IMPG1: variants seen among roughly 807,000 people sequenced by gnomAD.
The protein encoded by IMPG1 is interphotoreceptor matrix proteoglycan of 150 kDa.
A neutral mutation model predicts 92.0 loss-of-function variants in IMPG1; 85 were observed. The observed-to-expected ratio is 0.92, with a 90% CI of 0.78 to 1.11. IMPG1 has a LOEUF of 1.11. Among genes scored for constraint, IMPG1 ranks in the 50% least tolerant of loss-of-function variants. The pLI is 0.00. For synonymous variants in IMPG1, 367 were observed against 334.1 expected, an observed-to-expected ratio of 1.10 and a Z score of -1.08; for missense variants, 1,022 against 956.0, an observed-to-expected ratio of 1.07 and a Z score of -0.91.
rs759529291 is a variant in IMPG1, at chr6:75,922,131, T to G, written c.2352A>C (p.Val784=). Residue 784 remains valine (V), a synonymous_variant, in exon 17 of 17, where the codon GTA becomes GTC. Coordinates refer to ENST00000369950, the MANE Select transcript of IMPG1 (RefSeq NM_001563.4). ...ISKRNSELLT[V]EYEEFNHQDW... ...CTTGATGGTTAAATTCTTCATATTCTACGGTCAGTAATTCAGAATTTCTTT... is the reference window on the plus strand; with the variant it reads ...CTTGATGGTTAAATTCTTCATATTCGACGGTCAGTAATTCAGAATTTCTTT... The G allele has an allele frequency of 7.1e-7, 1 of 1,413,100 alleles. No homozygotes were observed. The highest frequency in any genetic ancestry group is 2.3e-5 in the East Asian group (1 of 43,200). 87.5% of individuals were successfully genotyped at this position (1,413,100 alleles called of 1,614,324 possible). A position where few individuals can be genotyped will look rare whatever the true frequency, so the allele number is the denominator to read the frequency against.
At chr6:75,975,587 A>G (rs918183509) in intron 12 of IMPG1, among the ~76,000 whole-genome samples, 1 of 152,198 alleles carries the variant, frequency 6.6e-6, no homozygotes, top group African/African-American at 2.4e-5. Flanking sequence ...ATGCAAGTGA[A>G]TTTTGTCTAA....
intron 12 of IMPG1, among the ~76,000 whole-genome samples, chr6:75,996,159 G>A (rs7754370): frequency 6.6e-6 from 1 of 152,110 alleles, no homozygotes; most frequent in South Asian, 2.1e-4. Flanking sequence ...CTAAAGATGT[G>A]CAGAGAATCT....
intron 13 of IMPG1, among the ~76,000 whole-genome samples, chr6:75,948,863 T>G (rs575211851): frequency 6.6e-6 from 1 of 152,262 alleles, no homozygotes; most frequent in East Asian, 1.9e-4. Context: ...AGAAAATTGC[T>G]TTCCCTCAGC....
chr6:75,982,409 C>T (rs758531020), intron 12 of IMPG1, among the ~76,000 whole-genome samples: 2 of 151,778 alleles, frequency 1.3e-5, no homozygotes, highest in Non-Finnish European at 2.9e-5. Flanking sequence ...GGCATGGTGG[C>T]ACATGTCTGT....
intron 12 of IMPG1, among the ~76,000 whole-genome samples, chr6:75,960,921 G>A (rs1187629763): frequency 1.3e-5 from 2 of 152,228 alleles, no homozygotes; most frequent in Non-Finnish European, 2.9e-5. Context: ...GCAGTCCATT[G>A]TTTCTAAGTC....
chr6:75,953,909 A>C (rs147914435), intron 12 of IMPG1, among the ~76,000 whole-genome samples: 7,364 of 152,272 alleles, frequency 0.048, 197 homozygotes, highest in East Asian at 0.11. Flanking sequence ...GATGGTTTCT[A>C]GCTTCATCCA....
At position 76,007,538 on chromosome 6, in the gene IMPG1, GA is replaced by G. The variant is rs757086778; in HGVS notation, c.867-39del. On this transcript the variant is annotated intron_variant, in intron 8 of 16. Transcript: ENST00000369950. ...ATGCACAATGGAAACATGAAAAAGA[GA>G]AAAAAATTTAATGACATTTATTGAG... The G allele has an allele frequency of 4.7e-6, 7 of 1,474,436 alleles. No homozygotes were observed. The East Asian group carries it at 1.4e-4, about 29-fold the overall frequency. The allele number at this position is 1,474,436 out of a possible 1,614,324, so 91.3% of individuals were successfully genotyped here.
At chr6:76,028,611 C>T (rs1783595824) in intron 4 of IMPG1, among the ~76,000 whole-genome samples, 1 of 152,154 alleles carries the variant, frequency 6.6e-6, no homozygotes, top group Non-Finnish European at 1.5e-5. Flanking sequence ...GGGTGGATCA[C>T]AAGGTCAGGA....
chr6:75,989,352 G>C (rs188424169), intron 12 of IMPG1, among the ~76,000 whole-genome samples: 1 of 152,274 alleles, frequency 6.6e-6, no homozygotes, highest in East Asian at 1.9e-4. Flanking sequence ...CACATAATTT[G>C]CTTCCCTTGA....
chr6:76,025,699 CT>C (rs1463323756), intron 4 of IMPG1, among the ~76,000 whole-genome samples: 1 of 152,164 alleles, frequency 6.6e-6, no homozygotes, highest in Non-Finnish European at 1.5e-5. Context: ...TAAAGTAACT[CT>C]TGTGGTTACA....
chr6:75,951,420 C>A (rs950965728), intron 12 of IMPG1, among the ~76,000 whole-genome samples: 2 of 152,024 alleles, frequency 1.3e-5, no homozygotes, highest in Non-Finnish European at 2.9e-5. Flanking sequence ...ACTTGGGAAC[C>A]AAGTAGTACA....
intron 12 of IMPG1, among the ~76,000 whole-genome samples, chr6:75,953,568 C>T (rs532045635): frequency 6.6e-6 from 1 of 151,642 alleles, no homozygotes; most frequent in South Asian, 2.1e-4. Context: ...CATCCATGTC[C>T]CAGCAAATGA....
chr6:75,953,112 C>T (rs912795088), intron 12 of IMPG1, among the ~76,000 whole-genome samples: 2 of 152,102 alleles, frequency 1.3e-5, no homozygotes, highest in Non-Finnish European at 2.9e-5. Flanking sequence ...TAAGAGTTGG[C>T]AAGAAGCACA....
At chr6:75,942,333 T>C (rs1781847337) in intron 14 of IMPG1, among the ~76,000 whole-genome samples, 1 of 152,196 alleles carries the variant, frequency 6.6e-6, no homozygotes, top group African/African-American at 2.4e-5. Context: ...AAGTAAATAC[T>C]TGAAAGATCA....
intron 14 of IMPG1, among the ~76,000 whole-genome samples, chr6:75,937,166 A>T (rs1781760848): frequency 4.6e-5 from 7 of 152,166 alleles, no homozygotes; most frequent in Admixed American, 4.6e-4. Context: ...ACCTGGAAGG[A>T]GAATTCCTAT....
chr6:75,944,979 G>T (rs1017754583), intron 14 of IMPG1, among the ~76,000 whole-genome samples: 1 of 152,314 alleles, frequency 6.6e-6, no homozygotes, highest in Admixed American at 6.5e-5. Flanking sequence ...TAGGCTGGAG[G>T]TATTCTTAGG....
intron 7 of IMPG1, among the ~76,000 whole-genome samples, chr6:76,016,237 G>T (rs1783285267): frequency 6.6e-6 from 1 of 152,066 alleles, no homozygotes; most frequent in South Asian, 2.1e-4. Context: ...CTAATTTTTG[G>T]CAAAAACAGG....
At chr6:76,015,057 C>A (rs1379699661) in intron 7 of IMPG1, among the ~76,000 whole-genome samples, 1 of 152,160 alleles carries the variant, frequency 6.6e-6, no homozygotes, top group African/African-American at 2.4e-5. Flanking sequence ...GCACAGGGGC[C>A]TCCCTGATTC....
chr6:76,071,365 T>C (rs1303355143), intron 1 of IMPG1, among the ~76,000 whole-genome samples: 1 of 150,620 alleles, frequency 6.6e-6, no homozygotes, highest in East Asian at 1.9e-4. Context: ...TATACCAAAA[T>C]CTCATTATTT....
Sources: gnomAD v4.1 joint callset for allele counts (sites outside exome capture counted in the v4.1 genomes callset) on GRCh38, gnomAD v4.1.1 for gene constraint, MANE v1.5 for transcripts, NCBI Gene and HGNC (gene_info 2026-07-23, HGNC 2026-07-21) for gene names.